Variants in DHX40 observed in about 807,000 individuals in gnomAD.
DHX40 encodes DEAH-box helicase 40, also known as probable ATP-dependent RNA helicase DHX40.
In DHX40, 28 loss-of-function variants were observed where a neutral mutation model predicts 89.6. The observed-to-expected ratio is 0.31, with a 90% CI of 0.23 to 0.43. The LOEUF is 0.43. Among genes scored for constraint, DHX40 ranks in the 20% least tolerant of loss-of-function variants. The probability of loss-of-function intolerance (pLI) is 1.00; values close to 1 mark genes in which losing one functional copy is unlikely to be tolerated. For synonymous variants in DHX40, 226 were observed against 283.6 expected, an observed-to-expected ratio of 0.80 and a Z score of 2.04; for missense variants, 457 against 844.0, an observed-to-expected ratio of 0.54 and a Z score of 5.68.
Position 59,606,695 on chromosome 17 carries a change from G to A in DHX40, c.2201-338G>A, listed in dbSNP as rs1039005763. On this transcript the variant is annotated intron_variant, in intron 17 of 17. Coordinates refer to ENST00000251241, the MANE Select transcript of DHX40 (RefSeq NM_024612.5). ...CAGGAGGCAGAGCTTGCAGTGAGCCGAGATTGCGCCACTGCACTCCAGCCT... is the reference window on the plus strand; with the variant it reads ...CAGGAGGCAGAGCTTGCAGTGAGCCAAGATTGCGCCACTGCACTCCAGCCT... Among the ~76,000 whole-genome samples the A allele has an allele frequency of 4.0e-5, 6 of 150,304 alleles. No homozygotes were observed. In the East Asian group the frequency reaches 5.9e-4, roughly 15 times the overall value.
At chr17:59,600,349 T>TA (rs2030417594) in intron 14 of DHX40, among the ~76,000 whole-genome samples, 1 of 152,194 alleles carries the variant, frequency 6.6e-6, no homozygotes, top group South Asian at 2.1e-4. Flanking sequence ...AAAAAAATCT[T>TA]AAAAATTTTG....
intron 4 of DHX40, 23 bp downstream of exon 4, chr17:59,573,258 A>G (rs773716910): frequency 3.2e-6 from 5 of 1,571,474 alleles, no homozygotes; most frequent in Admixed American, 1.9e-5. Context: ...ATTTATTATT[A>G]TTTTTTTATT....
rs139117700 is a variant in DHX40, at chr17:59,598,807, T to C, written c.1653T>C (p.Asn551=). Residue 551 remains asparagine (N), a synonymous_variant, in exon 13 of 18, where the codon AAT becomes AAC. Coordinates refer to ENST00000251241, the MANE Select transcript of DHX40 (RefSeq NM_024612.5). ...RELAAKAGGF[N]DFATLAVIFE... is the part of the protein sequence containing the mutation. ...TGGCAGCTAAAGCTGGAGGATTTAA[T>C]GACTTTGCAACTTTAGCTGTCATCT... 0.029 allele frequency: 31,064 copies of C among 1,083,532 alleles called. 599 individuals carry two copies. Among genetic ancestry groups the C allele is most frequent in the Non-Finnish European group, 0.032 (22,642 of 711,610 alleles). The allele number at this position is 1,083,532 out of a possible 1,614,324, so 67.1% of individuals were successfully genotyped here.
intron 3 of DHX40, 86 bp downstream of exon 3, chr17:59,570,749 T>C (rs1042188359): frequency 2.4e-5 from 33 of 1,385,564 alleles, no homozygotes; most frequent in Non-Finnish European, 3.2e-5. Flanking sequence ...CGTGGCGCAA[T>C]CATGGCTCTC....
intron 7 of DHX40, 40 bp from the exon 8 acceptor site, chr17:59,577,226 C>A: frequency 1.3e-6 from 2 of 1,513,176 alleles, no homozygotes; most frequent in Non-Finnish European, 1.8e-6. Flanking sequence ...TTGACACATG[C>A]ATGTTGTAAA....
At chr17:59,600,957 CT>C (rs1294706404) in intron 14 of DHX40, among the ~76,000 whole-genome samples, 1 of 148,180 alleles carries the variant, frequency 6.7e-6, no homozygotes, top group South Asian at 2.1e-4. Flanking sequence ...ATCTCCAGAA[CT>C]TTTTTTTATC....
chr17:59,571,121 C>A (rs1332883303), intron 3 of DHX40, among the ~76,000 whole-genome samples: 1 of 151,948 alleles, frequency 6.6e-6, no homozygotes, highest in South Asian at 2.1e-4. Flanking sequence ...AACTTAAAAT[C>A]GACCATTTTA....
chr17:59,585,868 T>C (rs1409590028), intron 10 of DHX40, among the ~76,000 whole-genome samples: 1 of 150,148 alleles, frequency 6.7e-6, no homozygotes, highest in Admixed American at 6.6e-5. Context: ...CTTGACAGGC[T>C]GTGAAGGATG....
chr17:59,566,197 G>A (rs1351034196), intron 1 of DHX40, among the ~76,000 whole-genome samples: 1 of 152,086 alleles, frequency 6.6e-6, no homozygotes, highest in Non-Finnish European at 1.5e-5. Flanking sequence ...GATATCAGTC[G>A]CTCTGAACAG....
intron 11 of DHX40, among the ~76,000 whole-genome samples, chr17:59,586,998 C>T (rs2049007283): frequency 6.6e-6 from 1 of 151,984 alleles, no homozygotes; most frequent in Admixed American, 6.6e-5. Context: ...ACTGAAAATA[C>T]AAAAATTAGC....
chr17:59,575,055 C>T (rs899169460), intron 6 of DHX40, among the ~76,000 whole-genome samples: 2 of 151,434 alleles, frequency 1.3e-5, no homozygotes, highest in African/African-American at 4.8e-5. Context: ...AGCTTTTCTC[C>T]TTTGTTAACA....
At chr17:59,568,415 A>G (rs1169485755) in intron 2 of DHX40, among the ~76,000 whole-genome samples, 2 of 152,138 alleles carry the variant, frequency 1.3e-5, no homozygotes, top group Non-Finnish European at 2.9e-5. Flanking sequence ...ATTAAGATAT[A>G]TCACTATTTT....
intron 15 of DHX40, 151 bp downstream of exon 15, chr17:59,602,767 G>T (rs1008022464): frequency 1.4e-6 from 1 of 730,432 alleles, no homozygotes; most frequent in African/African-American, 1.8e-5. Context: ...CTACAGTGAC[G>T]AGGGAGAGCT....
intron 2 of DHX40, among the ~76,000 whole-genome samples, 172 bp from the exon 3 acceptor site, chr17:59,570,346 T>A (rs1389170304): frequency 4.8e-5 from 7 of 144,800 alleles, no homozygotes; most frequent in African/African-American, 1.5e-4. Context: ...TGTATTATTT[T>A]AAATTAATAT....
At chr17:59,569,054 T>C (rs561492725) in intron 2 of DHX40, among the ~76,000 whole-genome samples, 230 of 152,060 alleles carry the variant, frequency 1.5e-3, no homozygotes, top group African/African-American at 5.3e-3. Flanking sequence ...TTAGGCTGGG[T>C]GCAGTGGCTC....
At position 59,566,525 on chromosome 17, in the gene DHX40, C is replaced by T. The variant is rs541362484; in HGVS notation, c.113-102C>T. On this transcript the variant is annotated intron_variant, in intron 1 of 17. Coordinates refer to ENST00000251241, the MANE Select transcript of DHX40 (RefSeq NM_024612.5). ...ACTGAGAAGTCATGGATGATCCCGTCCAGCCCTAAAATTCTATTGCCTTTC... is the reference window on the plus strand; with the variant it reads ...ACTGAGAAGTCATGGATGATCCCGTTCAGCCCTAAAATTCTATTGCCTTTC... 2.3e-5 allele frequency: 27 copies of T among 1,161,136 alleles called. No individual in the cohort carries two copies. The South Asian group carries it at 3.6e-4, about 15-fold the overall frequency. The allele number at this position is 1,161,136 out of a possible 1,614,324, so 71.9% of individuals were successfully genotyped here. A position where few individuals can be genotyped will look rare whatever the true frequency, so the allele number is the denominator to read the frequency against.
In DHX40 at chr17:59,588,035, A is replaced by C; in HGVS notation, c.1564A>C (p.Asn522His). 6.2e-7 allele frequency: 1 copy of C among 1,613,570 alleles called. No individual in the cohort carries two copies. The change falls in exon 12 of 18, where the codon AAC (asparagine) becomes CAC (histidine). Residue 522 changes from asparagine to histidine, a missense_variant. By Grantham distance (68) the Asn-to-His change is moderately conservative. Around this residue, in one of 9 missense-constraint regions of DHX40, gnomAD observed 19 missense variants for 24.2 expected, o/e 0.78. Transcript: ENST00000251241. ...AATAGCAGCAATGTTGTCTGTGGAA[A>C]ACGTCTTCATTAGACCTGGTAAGAT... is the stretch of plus-strand genomic sequence containing the variant. ...LPIAAMLSVE[N>H]VFIRPVDPEY...
chr17:59,588,817 G>A (rs1343044329), intron 12 of DHX40, among the ~76,000 whole-genome samples: 1 of 152,020 alleles, frequency 6.6e-6, no homozygotes, highest in Non-Finnish European at 1.5e-5. Context: ...TTCATAGATT[G>A]TGTCTTTATT....
At chr17:59,591,674 A>G (rs1424218807) in intron 12 of DHX40, among the ~76,000 whole-genome samples, 4 of 151,426 alleles carry the variant, frequency 2.6e-5, no homozygotes, top group Non-Finnish European at 5.9e-5. Context: ...GCAATTTTTA[A>G]CATTTTACCC....
Sources: allele counts gnomAD v4.1 joint callset (sites outside exome capture counted in the v4.1 genomes callset), GRCh38; gene constraint gnomAD v4.1.1; regional missense constraint gnomAD v4.1.1; transcripts MANE v1.5; gene names NCBI Gene and HGNC (gene_info 2026-07-23, HGNC 2026-07-21).